The following TGM1 variants were observed in gnomAD, a reference collection of about 807,000 sequenced individuals.
TGM1 encodes the protein protein-glutamine gamma-glutamyltransferase K.
A neutral mutation model predicts 88.7 loss-of-function variants in TGM1; 63 were observed. The ratio of observed to expected loss-of-function variants is 0.71; its 90% CI spans 0.58 to 0.88. TGM1 has a LOEUF of 0.88. Ranked by LOEUF, TGM1 falls within the 40% of genes least tolerant of loss-of-function variation. The probability of loss-of-function intolerance (pLI) is 0.00; values close to 1 mark genes in which losing one functional copy is unlikely to be tolerated. For missense variants in TGM1, 996 were observed against 1,118.0 expected (o/e 0.89, Z 1.56); for synonymous variants, 415 against 431.1 (o/e 0.96, Z 0.46).
rs762621039 is a variant in TGM1, at chr14:24,259,326, C to T, written c.985-77G>A. ...TGCCATGTGGTCCATGGGGACCAGC[C>T]GGGCCCCGATCCTGCAACCACCCCT... On this transcript the variant is annotated intron_variant, in intron 6 of 14. Coordinates refer to ENST00000206765, the MANE Select transcript of TGM1 (RefSeq NM_000359.3). This position sits in a 1 kb window ranked among gnomAD's most constrained non-coding sequence, Gnocchi z 5.7. The T allele has an allele frequency of 6.5e-5, 93 of 1,425,070 alleles. No homozygotes were observed. The highest frequency in any genetic ancestry group is 2.7e-4 in the East Asian group (11 of 40,690). 88.3% of individuals were successfully genotyped at this position (1,425,070 alleles called of 1,614,324 possible).
At position 24,260,665 on chromosome 14, in the gene TGM1, A is replaced by G. The variant is rs1324147976; in HGVS notation, c.542T>C (p.Val181Ala). Residue 181 changes from valine to alanine, a missense_variant, in exon 4 of 15, where the codon GTG becomes GCG. Coordinates refer to ENST00000206765, the MANE Select transcript of TGM1 (RefSeq NM_000359.3). The stretch of plus-strand genomic sequence containing the variant: ...GCCCCCCTTGCCCACTGGGATGATC[A>G]CGTGCGTGCCCTTGCCCACCTCGGG... ...NNPEVGKGTH[V>A]IIPVGKGGSG... is the part of the protein sequence containing the mutation. 1.2e-6 allele frequency: 2 copies of G among 1,613,972 alleles called. No individual in the cohort carries two copies. The highest frequency in any genetic ancestry group is 1.7e-6 in the Non-Finnish European group (2 of 1,180,026).
At position 24,256,006 on chromosome 14, in the gene TGM1, G is replaced by T; in HGVS notation, c.1474C>A (p.Pro492Thr). The change falls in exon 10 of 15, where the codon CCT (proline) becomes ACT (threonine). Residue 492 changes from proline (P) to threonine (T), a missense_variant. Transcript: ENST00000206765. ...NGLVYMKYDT[P>T]FIFAEVNSDK... is the part of the protein sequence containing the mutation. ...GCCCTCACCTCAGCAAAAATGAAAG[G>T]CGTGTCGTACTTCATGTAGACCAGG... 1.9e-6 allele frequency: 3 copies of T among 1,564,846 alleles called. No individual in the cohort carries two copies. Among genetic ancestry groups the T allele is most frequent in the Non-Finnish European group, 2.6e-6 (3 of 1,153,494 alleles).
intron 14 of TGM1, among the ~76,000 whole-genome samples, chr14:24,250,263 T>A (rs539669072): frequency 1.2e-4 from 19 of 152,012 alleles, no homozygotes; most frequent in South Asian, 6.2e-4. Context: ...CATGGGCCTC[T>A]GAAAAATTGA....
Position 24,261,837 on chromosome 14 carries a change from C to G in TGM1, c.366G>C (p.Ser122=). ...VNGVDLLSSR[S]DQNRREHHTD... is the part of the protein sequence containing the mutation. ...TGTGGTGCTCTCGGCGGTTCTGGTC[C>G]GAGCGCGAGCTCAGCAAGTCCACAC... Residue 122 remains serine (S), a synonymous_variant, in exon 3 of 15, where the codon TCG becomes TCC. Transcript: ENST00000206765. 6.2e-7 allele frequency: 1 copy of G among 1,613,880 alleles called. No individual in the cohort carries two copies. Among genetic ancestry groups the G allele is most frequent in the African/African-American group, 1.3e-5 (1 of 74,950 alleles).
chr14:24,257,454 A>C (rs992966006), intron 9 of TGM1, among the ~76,000 whole-genome samples: 8 of 152,260 alleles, frequency 5.3e-5, no homozygotes, highest in African/African-American at 1.9e-4. Context: ...TTATATATTA[A>C]GGCAGGGTCA....
At position 24,260,074 on chromosome 14, in the gene TGM1, A is replaced by G; in HGVS notation, c.758-16T>C. ...ACAATGTCCTCTGTGTCCCCAGAAC[A>G]CACAAAACTGGTTCCCTCCAGTTCT... On this transcript the variant is annotated splice_polypyrimidine_tract_variant and intron_variant, in intron 4 of 14. Transcript: ENST00000206765. The G allele has an allele frequency of 6.2e-7, 1 of 1,609,496 alleles. No individual in the cohort carries two copies. The highest frequency in any genetic ancestry group is 1.7e-5 in the Admixed American group (1 of 60,020).
intron 9 of TGM1, among the ~76,000 whole-genome samples, chr14:24,256,355 G>C (rs1335656775): frequency 6.6e-6 from 1 of 152,246 alleles, no homozygotes; most frequent in Non-Finnish European, 1.5e-5. Flanking sequence ...GATGGGGGCA[G>C]GGTACAGATG....
Position 24,255,459 on chromosome 14 carries a change from T to A in TGM1, c.1550A>T (p.Tyr517Phe), listed in dbSNP as rs755178560. Reference sequence around the variant, plus strand: ...TGTGCCGATGGCCTTCTCCTCCACATAAACAATCTTGAAGCTGCCATCATC... The same window carrying A: ...TGTGCCGATGGCCTTCTCCTCCACAAAAACAATCTTGAAGCTGCCATCATC... Reference protein sequence around the residue: ...RQDDGSFKIVYVEEKAIGTLI... With the variant: ...RQDDGSFKIVFVEEKAIGTLI... Residue 517 changes from tyrosine (Y) to phenylalanine (F), a missense_variant, in exon 11 of 15, where the codon TAT becomes TTT. Tyr to Phe is a conservative substitution (Grantham distance 22, BLOSUM62 3). Coordinates refer to ENST00000206765, the MANE Select transcript of TGM1 (RefSeq NM_000359.3). This position sits in a 1 kb window ranked among gnomAD's most constrained non-coding sequence, Gnocchi z 4.0. 6.2e-7 allele frequency: 1 copy of A among 1,614,072 alleles called. No individual in the cohort carries two copies. Among genetic ancestry groups the A allele is most frequent in the Non-Finnish European group, 8.5e-7 (1 of 1,180,012 alleles).
At chr14:24,252,520 G>A (rs2040710084) in intron 14 of TGM1, among the ~76,000 whole-genome samples, 1 of 152,220 alleles carries the variant, frequency 6.6e-6, no homozygotes, top group African/African-American at 2.4e-5. Context: ...GGCAAGACTA[G>A]CAGAGCAGGC....
At chr14:24,257,943 T>C (rs2040769487) in intron 9 of TGM1, among the ~76,000 whole-genome samples, 1 of 152,220 alleles carries the variant, frequency 6.6e-6, no homozygotes, top group Non-Finnish European at 1.5e-5. Context: ...CAGTTAATTA[T>C]CTCCAGGATA....
rs200023674 is a variant in TGM1, at chr14:24,262,131, G to A, written c.222C>T (p.Ser74=). The change falls in exon 2 of 15, where the codon AGC becomes AGT. Residue 74 remains serine, a synonymous_variant. Transcript: ENST00000206765. The part of the protein sequence containing the change: ...EPSDSRGRGS[S]SGTRRPGSRG... The stretch of plus-strand genomic sequence containing the variant: ...GGGAGCCAGGTCTTCGAGTGCCAGA[G>A]CTGGACCCTCGACCCCTGGAGTCAG... The A allele has an allele frequency of 6.2e-7, 1 of 1,613,652 alleles. No individual in the cohort carries two copies. Among genetic ancestry groups the A allele is most frequent in the East Asian group, 2.2e-5 (1 of 44,884 alleles).
In TGM1 at chr14:24,256,035, T is replaced by C. The variant is rs979636088; in HGVS notation, c.1445A>G (p.Asn482Ser). The C allele has an allele frequency of 1.6e-5, 25 of 1,571,418 alleles. No individual in the cohort carries two copies. The highest frequency in any genetic ancestry group is 4.1e-5 in the African/African-American group (3 of 73,954). ...CGPCSVESIK[N>S]GLVYMKYDTP... ...GTCGTACTTCATGTAGACCAGGCCA[T>C]TCTTGATGGACTCCACAGAGCAGGG... The change falls in exon 10 of 15, where the codon AAT becomes AGT. Residue 482 changes from asparagine to serine, a missense_variant. Transcript: ENST00000206765.
Position 24,259,279 on chromosome 14 carries a change from G to C in TGM1, c.985-30C>G. 1 of 1,592,460 alleles carries C rather than the reference G, an allele frequency of 6.3e-7. No homozygotes were observed. Among genetic ancestry groups the C allele is most frequent in the Non-Finnish European group, 8.6e-7 (1 of 1,169,038 alleles). ...CCAGGACAGGATGAGATAGGGCGGA[G>C]GTGGAGGAGGGGCTCAGGACCTGCC... On this transcript the variant is annotated intron_variant, in intron 6 of 14. Coordinates refer to ENST00000206765, the MANE Select transcript of TGM1 (RefSeq NM_000359.3). This position sits in a 1 kb window ranked among gnomAD's most constrained non-coding sequence, Gnocchi z 5.7.
chr14:24,254,078 C>A, intron 14 of TGM1, 74 bp downstream of exon 14: 1 of 1,555,498 alleles, frequency 6.4e-7, no homozygotes, highest in African/African-American at 1.4e-5. Flanking sequence ...AGAGAGGGAG[C>A]AAAGCTGGGA....
intron 14 of TGM1, 82 bp from the exon 15 acceptor site, chr14:24,249,623 G>A: frequency 8.1e-7 from 1 of 1,228,412 alleles, no homozygotes; most frequent in Non-Finnish European, 1.2e-6. Context: ...CAGTCAGGAG[G>A]AAGAAGCAGG....
intron 13 of TGM1, 80 bp from the exon 14 acceptor site, chr14:24,254,368 G>A (rs769933432): frequency 6.2e-7 from 1 of 1,605,980 alleles, no homozygotes; most frequent in Non-Finnish European, 8.5e-7. Flanking sequence ...CCAGAGAGGG[G>A]AAGCTGCTTA....
At chr14:24,260,358 G>A (rs1311014167) in intron 4 of TGM1, 92 bp downstream of exon 4, 13 of 1,569,020 alleles carry the variant, frequency 8.3e-6, no homozygotes, top group Admixed American at 1.8e-5. Flanking sequence ...CCTGGGGTCA[G>A]GCACCTAGGC....
intron 14 of TGM1, among the ~76,000 whole-genome samples, chr14:24,251,011 C>T (rs534335730): frequency 1.0e-3 from 152 of 152,254 alleles, no homozygotes; most frequent in Non-Finnish European, 1.3e-3. Context: ...TGAGGGGTTT[C>T]CCTGGACCAC....
At chr14:24,253,651 T>A (rs977636743) in intron 14 of TGM1, among the ~76,000 whole-genome samples, 4 of 152,166 alleles carry the variant, frequency 2.6e-5, no homozygotes, top group South Asian at 2.1e-4. Context: ...GTTAATTTTT[T>A]AAAAATTTTT....
Sources: allele counts gnomAD v4.1 joint callset (sites outside exome capture counted in the v4.1 genomes callset), GRCh38; gene constraint gnomAD v4.1.1; non-coding constraint Gnocchi (gnomAD v3.1); transcripts MANE v1.5; gene names NCBI Gene and HGNC (gene_info 2026-07-23, HGNC 2026-07-21).